The following C12orf56 variants were observed in gnomAD, a reference collection of about 807,000 sequenced individuals.
The protein encoded by C12orf56 is chromosome 12 open reading frame 56, also known as uncharacterized protein C12orf56.
A neutral mutation model predicts 69.9 loss-of-function variants in C12orf56; 71 were observed. The observed-to-expected ratio is 1.02, with a 90% CI of 0.84 to 1.24. The LOEUF is 1.24. Among genes scored for constraint, C12orf56 ranks in the 50% most tolerant of loss-of-function variants. C12orf56 has a pLI of 0.00. For missense variants in C12orf56, 732 were observed against 738.5 expected (o/e 0.99, Z 0.10); for synonymous variants, 276 against 274.1 (o/e 1.01, Z -0.07).
At chr12:64,275,015 G>A in intron 10 of C12orf56, 40 bp from the exon 11 acceptor site, 1 of 1,495,594 alleles carries the variant, frequency 6.7e-7, no homozygotes, top group Non-Finnish European at 9.3e-7. Flanking sequence ...TATTCATAAA[G>A]TTCAAGTAGT....
chr12:64,364,598 G>C (rs955366855), intron 1 of C12orf56, among the ~76,000 whole-genome samples: 2 of 152,242 alleles, frequency 1.3e-5, no homozygotes, highest in South Asian at 2.1e-4. Flanking sequence ...GCTGGGAGAA[G>C]TAAGCAGGTC....
chr12:64,354,816 C>G (rs540802058), intron 1 of C12orf56, among the ~76,000 whole-genome samples: 1 of 147,698 alleles, frequency 6.8e-6, no homozygotes, highest in Non-Finnish European at 1.5e-5. Context: ...CGGTGGCTCA[C>G]GCCTGTAATC....
At position 64,353,048 on chromosome 12, in the gene C12orf56, A is replaced by T; in HGVS notation, c.261T>A (p.Asp87Glu). ...RDVVAIDLID[D>E]YPEFLSSPDR... The stretch of plus-strand genomic sequence containing the variant: ...CTGGCGAACTCAAAAATTCCGGGTA[A>T]TCATCAATCTGGAAAAAAAATTAAT... The change falls in exon 2 of 13, where the codon GAT (aspartate) becomes GAA (glutamate). Residue 87 changes from aspartate to glutamate, a missense_variant. Coordinates refer to ENST00000543942, the MANE Select transcript of C12orf56 (RefSeq NM_001170633.2). The T allele has an allele frequency of 6.2e-7, 1 of 1,611,274 alleles. No individual in the cohort carries two copies. Among genetic ancestry groups the T allele is most frequent in the Middle Eastern group, 1.7e-4 (1 of 6,052 alleles).
chr12:64,313,920 G>A (rs2038656149), intron 4 of C12orf56, among the ~76,000 whole-genome samples: 1 of 151,562 alleles, frequency 6.6e-6, no homozygotes, highest in South Asian at 2.1e-4. Flanking sequence ...GCACATGCCT[G>A]TAATCCCAGC....
At chr12:64,326,346 T>C (rs1184992195) in intron 3 of C12orf56, among the ~76,000 whole-genome samples, 1 of 152,192 alleles carries the variant, frequency 6.6e-6, no homozygotes, top group East Asian at 1.9e-4. Flanking sequence ...ATTCTACAAA[T>C]AGAACTTCTT....
At chr12:64,344,184 C>T (rs1013703369) in intron 2 of C12orf56, among the ~76,000 whole-genome samples, 3 of 152,082 alleles carry the variant, frequency 2.0e-5, no homozygotes, top group Admixed American at 6.6e-5. Context: ...TCACAGGTCT[C>T]CTGGGGGAAG....
At chr12:64,277,640 A>ATATG (rs72525665) in intron 9 of C12orf56, 40 bp downstream of exon 9, 2 of 1,241,922 alleles carry the variant, frequency 1.6e-6, no homozygotes, top group Non-Finnish European at 2.1e-6. Flanking sequence ...CCCTATATAT[A>ATATG]TATATATATA....
intron 1 of C12orf56, among the ~76,000 whole-genome samples, chr12:64,375,942 G>T (rs1236141894): frequency 1.3e-5 from 2 of 152,026 alleles, no homozygotes; most frequent in African/African-American, 4.8e-5. Flanking sequence ...AAGCCAACCT[G>T]CACTGAAAAA....
At chr12:64,276,325 C>T (rs984897202) in intron 9 of C12orf56, among the ~76,000 whole-genome samples, 10 of 152,076 alleles carry the variant, frequency 6.6e-5, no homozygotes, top group African/African-American at 1.9e-4. Flanking sequence ...TAAACTGAGA[C>T]AAGGGCTATG....
chr12:64,354,747 G>A (rs1454651628), intron 1 of C12orf56, among the ~76,000 whole-genome samples: 1 of 147,810 alleles, frequency 6.8e-6, no homozygotes, highest in Admixed American at 6.7e-5. Flanking sequence ...GATTACAGGC[G>A]TGAGCCACCG....
At chr12:64,364,249 C>G (rs2039436271) in intron 1 of C12orf56, among the ~76,000 whole-genome samples, 1 of 151,986 alleles carries the variant, frequency 6.6e-6, no homozygotes, top group African/African-American at 2.4e-5. Flanking sequence ...AGCTACTGCA[C>G]TCCAGCCTGG....
chr12:64,339,053 T>G (rs555434808), intron 2 of C12orf56, among the ~76,000 whole-genome samples: 1 of 152,372 alleles, frequency 6.6e-6, no homozygotes, highest in South Asian at 2.1e-4. Context: ...TAAGCCCCTT[T>G]GCTTTGTCTT....
chr12:64,273,869 A>C (rs929828859), intron 11 of C12orf56, among the ~76,000 whole-genome samples: 5 of 152,118 alleles, frequency 3.3e-5, no homozygotes, highest in Admixed American at 1.3e-4. Flanking sequence ...GACCGCCTCC[A>C]CCCCACAATT....
At chr12:64,390,088 G>A (rs1187981074) in intron 1 of C12orf56, among the ~76,000 whole-genome samples, 1 of 152,128 alleles carries the variant, frequency 6.6e-6, no homozygotes, top group Non-Finnish European at 1.5e-5. Context: ...TAGGGGAGGC[G>A]GGAGAATGGG....
In C12orf56 at chr12:64,366,283, AATATACAGTTTATATATTATATATT is replaced by A. The variant is rs1565777152; in HGVS notation, c.253-13252_253-13228del. Among the ~76,000 whole-genome samples the A allele has an allele frequency of 5.0e-3, 85 of 16,860 alleles. 4 individuals carry two copies. The highest frequency in any genetic ancestry group is 0.015 in the Admixed American group (14 of 924). 11.1% of individuals were successfully genotyped at this position (16,860 alleles called of 152,430 possible). On this transcript the variant is annotated intron_variant, in intron 1 of 12. Coordinates refer to ENST00000543942, the MANE Select transcript of C12orf56 (RefSeq NM_001170633.2). ...AATATACAGTTTATATATTATATATAATATACAGTTTATATATTATATATTATATACAGTTTATTATATATTATAT... is the reference window on the plus strand; with the variant it reads ...AATATACAGTTTATATATTATATATAATATACAGTTTATTATATATTATAT...
intron 3 of C12orf56, among the ~76,000 whole-genome samples, chr12:64,320,015 G>A (rs965620888): frequency 5.9e-5 from 9 of 152,156 alleles, no homozygotes; most frequent in South Asian, 2.1e-4. Context: ...CCATCCCTCC[G>A]GATCCGGCAG....
At chr12:64,308,946 AG>A (rs879803054) in intron 5 of C12orf56, among the ~76,000 whole-genome samples, 7,675 of 79,312 alleles carry the variant, frequency 0.097, 461 homozygotes, top group East Asian at 0.26. Flanking sequence ...GAAAGAAGAA[AG>A]AAAGAAAGAA....
chr12:64,335,084 C>T (rs1382630647), intron 2 of C12orf56, among the ~76,000 whole-genome samples: 2 of 152,036 alleles, frequency 1.3e-5, no homozygotes, highest in African/African-American at 4.8e-5. Context: ...CTAGAATGTA[C>T]CTGAAACTGA....
chr12:64,340,603 C>T (rs538013881), intron 2 of C12orf56, among the ~76,000 whole-genome samples: 158 of 152,200 alleles, frequency 1.0e-3, no homozygotes, highest in Admixed American at 2.7e-3. Flanking sequence ...GATGTAAAGT[C>T]AATAAATCTT....
Sources: allele counts gnomAD v4.1 joint callset (sites outside exome capture counted in the v4.1 genomes callset), GRCh38; gene constraint gnomAD v4.1.1; transcripts MANE v1.5; gene names NCBI Gene and HGNC (gene_info 2026-07-23, HGNC 2026-07-21).